The following MKLN1 variants were observed in gnomAD, a reference collection of about 807,000 sequenced individuals.
MKLN1 encodes muskelin 1, also known as muskelin.
MKLN1 carries 18 observed loss-of-function variants against 99.0 expected under a neutral mutation model. The ratio of observed to expected loss-of-function variants is 0.18; its 90% CI spans 0.13 to 0.27. The LOEUF (loss-of-function observed/expected upper bound fraction) is 0.27, where lower values mean the gene tolerates loss of function less well. MKLN1 is among the 10% of genes least tolerant of loss of function. MKLN1 has a pLI of 1.00. For synonymous variants in MKLN1, 288 were observed against 293.2 expected (o/e 0.98, Z 0.18); for missense variants, 621 against 875.9 (o/e 0.71, Z 3.67).
chr7:131,207,547 T>C (rs1796836671), intron 3 of MKLN1, among the ~76,000 whole-genome samples: 1 of 152,188 alleles, frequency 6.6e-6, no homozygotes. Context: ...AACAGGCATT[T>C]TGGAGCATGT....
At chr7:131,207,524 G>A (rs1796831835) in intron 3 of MKLN1, among the ~76,000 whole-genome samples, 1 of 152,192 alleles carries the variant, frequency 6.6e-6, no homozygotes, top group Admixed American at 6.6e-5. Flanking sequence ...GGCAGTATTT[G>A]AGGATGTTGC....
At chr7:131,298,099 G>C (rs1414976268) in intron 3 of MKLN1, among the ~76,000 whole-genome samples, 2 of 150,794 alleles carry the variant, frequency 1.3e-5, no homozygotes, top group East Asian at 2.0e-4. Flanking sequence ...GTGAAACCCC[G>C]TCTCTACTAA....
intron 3 of MKLN1, among the ~76,000 whole-genome samples, chr7:131,298,526 T>C (rs968821110): frequency 6.6e-6 from 1 of 152,296 alleles, no homozygotes; most frequent in Admixed American, 6.5e-5. Context: ...CAGCTGTATC[T>C]TGGGAAGAGA....
intron 6 of MKLN1, among the ~76,000 whole-genome samples, chr7:131,402,327 C>T (rs1794572956): frequency 6.6e-6 from 1 of 152,190 alleles, no homozygotes; most frequent in South Asian, 2.1e-4. Flanking sequence ...GTCACATCTT[C>T]AGGCTCTACT....
At chr7:131,129,508 T>A (rs1795516599) in intron 1 of MKLN1, among the ~76,000 whole-genome samples, 1 of 152,236 alleles carries the variant, frequency 6.6e-6, no homozygotes, top group Admixed American at 6.5e-5. Flanking sequence ...ATTCCCATGA[T>A]GAAATCTATG....
chr7:131,275,554 TA>T (rs1563275630), intron 3 of MKLN1, among the ~76,000 whole-genome samples: 6 of 24,644 alleles, frequency 2.4e-4, no homozygotes, highest in East Asian at 1.8e-3. Flanking sequence ...TATATATATA[TA>T]TATATATATA....
intron 3 of MKLN1, among the ~76,000 whole-genome samples, chr7:131,277,542 C>A (rs1797992515): frequency 6.6e-6 from 1 of 152,092 alleles, no homozygotes; most frequent in African/African-American, 2.4e-5. Flanking sequence ...CCTCGGCCTC[C>A]CAAAGTACTA....
At chr7:131,223,260 T>C (rs1348192470) in intron 3 of MKLN1, among the ~76,000 whole-genome samples, 1 of 152,138 alleles carries the variant, frequency 6.6e-6, no homozygotes, top group Non-Finnish European at 1.5e-5. Context: ...AGTTCAGAGC[T>C]GTAGGACAGG....
rs1417096436 is a variant in MKLN1, at chr7:131,418,538, T to A, written c.847+3828T>A. On this transcript the variant is annotated intron_variant, in intron 8 of 17. Transcript: ENST00000352689. ...AAAAAAAGTCTCTTAATGTTTTAAGTAAGTTTACAAATTTGTCTTGGGCCA... is the reference window on the plus strand; with the variant it reads ...AAAAAAAGTCTCTTAATGTTTTAAGAAAGTTTACAAATTTGTCTTGGGCCA... Among the ~76,000 whole-genome samples the A allele has an allele frequency of 2.6e-5, 4 of 152,168 alleles. No homozygotes were observed. The South Asian group carries it at 6.2e-4, about 24-fold the overall frequency.
intron 1 of MKLN1, among the ~76,000 whole-genome samples, chr7:131,343,117 G>A (rs972897446): frequency 7.2e-5 from 11 of 152,210 alleles, no homozygotes; most frequent in African/African-American, 2.7e-4. Context: ...GGGAGACTTT[G>A]AAAGAGGAAG....
At chr7:131,380,785 C>T (rs150521691) in intron 2 of MKLN1, among the ~76,000 whole-genome samples, 88 of 152,248 alleles carry the variant, frequency 5.8e-4, no homozygotes, top group Non-Finnish European at 9.4e-4. Context: ...CATAATCATA[C>T]GGTAATTGCA....
rs1554544042 is a variant in MKLN1 at position 131,263,368 on chromosome 7, T to TAATAAA, written c.-179+60396_-179+60401dup. ...TTATTAATAATAATAATAATAATAA[T>TAATAAA]AATAAAATTAGCTGGGTGTGGTGGC... On this transcript the variant is annotated intron_variant, in intron 3 of 7. Coordinates refer to the MKLN1 transcript ENST00000416992. Among the ~76,000 whole-genome samples the TAATAAA allele has an allele frequency of 4.4e-4, 62 of 140,388 alleles. 1 individual carries two copies. The highest frequency in any genetic ancestry group is 4.3e-3 in the South Asian group (19 of 4,392). The allele number at this position is 140,388 out of a possible 152,430, so 92.1% of individuals were successfully genotyped here. A position where few individuals can be genotyped will look rare whatever the true frequency, so the allele number is the denominator to read the frequency against.
At chr7:131,297,276 G>A (rs1412417741) in intron 3 of MKLN1, among the ~76,000 whole-genome samples, 4 of 152,080 alleles carry the variant, frequency 2.6e-5, no homozygotes, top group South Asian at 2.1e-4. Context: ...CAGGAGAATC[G>A]CTTGAACCCG....
At chr7:131,116,302 G>A (rs1352319293) in intron 1 of MKLN1, among the ~76,000 whole-genome samples, 1 of 152,022 alleles carries the variant, frequency 6.6e-6, no homozygotes, top group East Asian at 1.9e-4. Context: ...GGCTAGTGGT[G>A]ATGATTACTA....
chr7:131,228,310 G>T (rs1398556102), intron 3 of MKLN1, among the ~76,000 whole-genome samples: 1 of 152,148 alleles, frequency 6.6e-6, no homozygotes, highest in Non-Finnish European at 1.5e-5. Context: ...AGAACATTCT[G>T]ATGTTCTTAT....
chr7:131,343,193 G>A (rs146580143), intron 1 of MKLN1, among the ~76,000 whole-genome samples: 104 of 152,290 alleles, frequency 6.8e-4, no homozygotes, highest in African/African-American at 2.4e-3. Flanking sequence ...TTTCTTGAAT[G>A]TAGGAATTTA....
chr7:131,275,559 ATATATATATTTTTTT>A (rs1271551575), intron 3 of MKLN1, among the ~76,000 whole-genome samples: 1 of 14,476 alleles, frequency 6.9e-5, no homozygotes, highest in African/African-American at 4.3e-4. Context: ...ATATATATAT[ATATATATATTTTTTT>A]TTTTTTTTTT....
chr7:131,214,182 C>T (rs764674218), intron 3 of MKLN1, among the ~76,000 whole-genome samples: 16 of 152,176 alleles, frequency 1.1e-4, no homozygotes, highest in South Asian at 2.1e-4. Flanking sequence ...GCCACTGAGC[C>T]CAGCCCTCGT....
chr7:131,199,374 A>G (rs1310097360), intron 2 of MKLN1, among the ~76,000 whole-genome samples: 1 of 152,010 alleles, frequency 6.6e-6, no homozygotes, highest in Non-Finnish European at 1.5e-5. Flanking sequence ...CCTGCTTCCG[A>G]AGTAGCTGAG....
Sources: gnomAD v4.1 joint callset for allele counts (sites outside exome capture counted in the v4.1 genomes callset) on GRCh38, gnomAD v4.1.1 for gene constraint, MANE v1.5 for transcripts, NCBI Gene and HGNC (gene_info 2026-07-23, HGNC 2026-07-21) for gene names.